The following RCAN2 variants were observed in gnomAD, a reference collection of about 807,000 sequenced individuals.
RCAN2 encodes the protein calcipressin-2.
A neutral mutation model predicts 23.6 loss-of-function variants in RCAN2; 9 were observed. The ratio of observed to expected loss-of-function variants is 0.38; its 90% confidence interval spans 0.23 to 0.67. RCAN2 has a LOEUF of 0.67. Ranked by LOEUF, RCAN2 falls within the 30% of genes least tolerant of loss-of-function variation. RCAN2 has a pLI of 0.51. For missense variants in RCAN2, 273 were observed against 302.3 expected (o/e 0.90, Z 0.72); for synonymous variants, 109 against 115.7 (o/e 0.94, Z 0.37).
intron 3 of RCAN2, 28 bp downstream of exon 3, chr6:46,248,695 G>T (rs554279752): frequency 2.0e-6 from 3 of 1,532,474 alleles, no homozygotes; most frequent in East Asian, 4.6e-5. Context: ...AGGGCAAAAA[G>T]AATAACTTTG....
At chr6:46,383,077 G>A (rs1394594628) in intron 2 of RCAN2, among the ~76,000 whole-genome samples, 1 of 151,996 alleles carries the variant, frequency 6.6e-6, no homozygotes, top group Non-Finnish European at 1.5e-5. Context: ...TCAGGAACTT[G>A]AACATGAAGT....
At chr6:46,302,228 TAC>T (rs1263474483) in intron 2 of RCAN2, among the ~76,000 whole-genome samples, 3 of 152,100 alleles carry the variant, frequency 2.0e-5, no homozygotes, top group Non-Finnish European at 4.4e-5. Flanking sequence ...CGGGTGATTG[TAC>T]AGTTTCCTGA....
intron 2 of RCAN2, among the ~76,000 whole-genome samples, chr6:46,400,431 T>G (rs2150402560): frequency 6.6e-6 from 1 of 152,350 alleles, no homozygotes; most frequent in East Asian, 1.9e-4. Context: ...GTTCCCTGGC[T>G]GCTGATGCTT....
intron 2 of RCAN2, among the ~76,000 whole-genome samples, chr6:46,355,555 C>T (rs1440640428): frequency 2.0e-5 from 3 of 152,242 alleles, no homozygotes; most frequent in Non-Finnish European, 2.9e-5. Context: ...ACCCACTCAG[C>T]TCAGACCCTA....
At chr6:46,443,702 T>TTAAC (rs1389238159) in intron 2 of RCAN2, among the ~76,000 whole-genome samples, 5 of 152,200 alleles carry the variant, frequency 3.3e-5, no homozygotes, top group African/African-American at 4.8e-5. Flanking sequence ...ACGTCAAATC[T>TTAAC]TAACTACAAG....
Position 46,222,865 on chromosome 6 carries a change from G to A in RCAN2, c.*276C>T, listed in dbSNP as rs1581998143. The A allele has an allele frequency of 5.6e-6, 2 of 359,144 alleles. No individual in the cohort carries two copies. Among genetic ancestry groups the A allele is most frequent in the East Asian group, 1.2e-4 (2 of 16,588 alleles). The allele number at this position is 359,144 out of a possible 1,614,324, so 22.2% of individuals were successfully genotyped here. ...TGATGTCTCTGGCTTGGATCAACAT[G>A]AGAGAACAAAGATATAGGCTGTGCT... On this transcript the variant is annotated 3_prime_UTR_variant, in exon 5 of 5. Coordinates refer to ENST00000371374, the MANE Select transcript of RCAN2 (RefSeq NM_001251974.2).
chr6:46,223,209 T>C lies in RCAN2; in HGVS notation c.664A>G (p.Lys222Glu), dbSNP rs1765536039. Residue 222 changes from lysine (K) to glutamate (E), a missense_variant, in exon 5 of 5, where the codon AAG becomes GAG. Physicochemically the swap from Lys to Glu is moderately conservative, Grantham distance 56. Coordinates refer to ENST00000371374, the MANE Select transcript of RCAN2 (RefSeq NM_001251974.2). ...DSDIEEEEDP[K>E]TSPKPKIIQT... ...ATGATTTTTGGCTTTGGGGAAGTCT[T>C]TGGGTCCTCTTCTTCCTCTATGTCA... 7 of 1,613,932 alleles carry C rather than the reference T, an allele frequency of 4.3e-6. No homozygotes were observed. Among genetic ancestry groups the C allele is most frequent in the Non-Finnish European group, 5.1e-6 (6 of 1,179,984 alleles).
chr6:46,310,021 G>A (rs1331856736), intron 2 of RCAN2, among the ~76,000 whole-genome samples: 3 of 152,044 alleles, frequency 2.0e-5, no homozygotes, highest in African/African-American at 2.4e-5. Flanking sequence ...CCTTTGTCAT[G>A]GTGCTTATAT....
intron 2 of RCAN2, among the ~76,000 whole-genome samples, chr6:46,429,675 T>C (rs540588072): frequency 6.6e-6 from 1 of 152,268 alleles, no homozygotes; most frequent in African/African-American, 2.4e-5. Context: ...TAGAGAATGG[T>C]CATTAGGGCA....
At chr6:46,392,587 C>T (rs1435854789) in intron 2 of RCAN2, among the ~76,000 whole-genome samples, 4 of 152,160 alleles carry the variant, frequency 2.6e-5, no homozygotes, top group African/African-American at 9.7e-5. Context: ...AAAATAATGT[C>T]TGGTGGGGGA....
intron 2 of RCAN2, among the ~76,000 whole-genome samples, chr6:46,333,045 T>C (rs1181224622): frequency 1.3e-5 from 2 of 152,240 alleles, no homozygotes; most frequent in African/African-American, 4.8e-5. Flanking sequence ...TGATTTCCAT[T>C]TCTCTGATGG....
chr6:46,464,487 G>A (rs77087201), intron 1 of RCAN2, among the ~76,000 whole-genome samples: 1,565 of 152,158 alleles, frequency 0.01, 10 homozygotes, highest in Non-Finnish European at 0.015. Flanking sequence ...GATAAGACAA[G>A]CCTTTTGCTC....
intron 2 of RCAN2, chr6:46,438,247 AAAAC>A (rs1767428717): frequency 6.6e-6 from 1 of 152,236 alleles, no homozygotes; most frequent in South Asian, 2.1e-4. Flanking sequence ...GGCGTAGCTT[AAAAC>A]AAAGAATAAA....
Position 46,491,382 on chromosome 6 carries a change from T to C in RCAN2, c.-212A>G, listed in dbSNP as rs1769145714. The C allele has an allele frequency of 6.6e-6, 1 of 152,012 alleles. No individual in the cohort carries two copies. The highest frequency in any genetic ancestry group is 1.5e-5 in the Non-Finnish European group (1 of 68,180). The allele number at this position is 152,012 out of a possible 1,614,324, so 9.4% of individuals were successfully genotyped here. ...CCCTCTCTCTGCCGCCGTGGGTCAG[T>C]GGGATTCTGCCTGCTGCCCGCTCCT... On this transcript the variant is annotated 5_prime_UTR_variant, in exon 1 of 5. Transcript: ENST00000371374.
intron 2 of RCAN2, among the ~76,000 whole-genome samples, chr6:46,265,381 A>C (rs1767287729): frequency 1.3e-5 from 2 of 152,268 alleles, no homozygotes; most frequent in African/African-American, 4.8e-5. Flanking sequence ...TAAGCAAGAA[A>C]ATTTGACTGA....
chr6:46,366,777 C>G (rs1017302358), intron 2 of RCAN2, among the ~76,000 whole-genome samples: 6 of 151,406 alleles, frequency 4.0e-5, no homozygotes, highest in Admixed American at 1.3e-4. Context: ...CTACCCTTCT[C>G]CTTGGGTAGA....
chr6:46,355,114 G>T (rs1178245814), intron 2 of RCAN2, among the ~76,000 whole-genome samples: 1 of 152,162 alleles, frequency 6.6e-6, no homozygotes, highest in East Asian at 1.9e-4. Flanking sequence ...GTGACTGGTA[G>T]AACTGGCATG....
rs1234627975 is a variant in RCAN2 at position 46,233,717 on chromosome 6, ACTTCTT to A, written c.572-10422_572-10417del. On this transcript the variant is annotated intron_variant, in intron 4 of 4. Coordinates refer to ENST00000371374, the MANE Select transcript of RCAN2 (RefSeq NM_001251974.2). ...TTTTTCCCTGGCTGAGATGAAGAAC[ACTTCTT>A]TTTTTTTTTTTTTTTTCTTGAGATG... 5.4e-3 allele frequency among the ~76,000 whole-genome samples: 683 copies of A among 125,472 alleles called. 4 individuals are homozygous for A. The highest frequency in any genetic ancestry group is 0.018 in the African/African-American group (642 of 35,572). 82.3% of individuals were successfully genotyped at this position (125,472 alleles called of 152,430 possible).
chr6:46,450,514 T>C (rs1410531759), intron 2 of RCAN2, among the ~76,000 whole-genome samples: 1 of 152,098 alleles, frequency 6.6e-6, no homozygotes, highest in African/African-American at 2.4e-5. Flanking sequence ...CGCAGCATTA[T>C]TTATAATTGC....
Sources: allele counts gnomAD v4.1 joint callset (sites outside exome capture counted in the v4.1 genomes callset), GRCh38; gene constraint gnomAD v4.1.1; transcripts MANE v1.5; gene names NCBI Gene and HGNC (gene_info 2026-07-23, HGNC 2026-07-21).